The following MAN1B1 variants were observed in gnomAD, a reference collection of about 807,000 sequenced individuals.
MAN1B1 encodes endoplasmic reticulum mannosyl-oligosaccharide 1,2-alpha-mannosidase.
In MAN1B1, 66 loss-of-function variants were observed where a neutral mutation model predicts 75.5. The ratio of observed to expected loss-of-function variants is 0.87; its 90% CI spans 0.72 to 1.07. The LOEUF (loss-of-function observed/expected upper bound fraction) is 1.07, where lower values mean the gene tolerates loss of function less well. Ranked by LOEUF, MAN1B1 falls within the 50% of genes least tolerant of loss-of-function variation. MAN1B1 has a pLI of 0.00. For synonymous variants in MAN1B1, 453 were observed against 382.8 expected (o/e 1.18, Z -2.14); for missense variants, 973 against 912.5 (o/e 1.07, Z -0.85).
chr9:137,096,201 A>G (rs373227646), intron 3 of MAN1B1, 36 bp from the exon 4 acceptor site: 12 of 1,613,586 alleles, frequency 7.4e-6, no homozygotes, highest in Non-Finnish European at 1.0e-5. Context: ...GCTCGCAGAC[A>G]CCCCGTGATT....
chr9:137,105,917 G>C (rs1293727914), intron 8 of MAN1B1: 1 of 691,740 alleles, frequency 1.4e-6, no homozygotes, highest in African/African-American at 1.8e-5. Flanking sequence ...TGACATTCAG[G>C]TGCGTTGCAC....
At chr9:137,098,251 C>G (rs142253512) in intron 5 of MAN1B1, among the ~76,000 whole-genome samples, 31 of 152,366 alleles carry the variant, frequency 2.0e-4, no homozygotes, top group African/African-American at 6.7e-4. Context: ...CTGGCCAGTC[C>G]CAGGCAGCTC....
chr9:137,091,743 G>A (rs1830523495), intron 3 of MAN1B1, among the ~76,000 whole-genome samples: 1 of 151,506 alleles, frequency 6.6e-6, no homozygotes, highest in African/African-American at 2.4e-5. Context: ...AGCCAGGATG[G>A]TCTTGATCAC....
intron 4 of MAN1B1, among the ~76,000 whole-genome samples, chr9:137,096,644 G>A (rs1830660375): frequency 6.6e-6 from 1 of 152,204 alleles, no homozygotes; most frequent in South Asian, 2.1e-4. Context: ...CGTGTGAAGG[G>A]TGCACAGGTG....
In MAN1B1 at chr9:137,106,413, G is replaced by GC. The variant is rs1373050519; in HGVS notation, c.1445+104dup. The GC allele has an allele frequency of 6.8e-6, 8 of 1,176,192 alleles. No individual in the cohort carries two copies. In the East Asian group the frequency reaches 1.0e-4, roughly 15 times the overall value. The allele number at this position is 1,176,192 out of a possible 1,614,324, so 72.9% of individuals were successfully genotyped here. A position where few individuals can be genotyped will look rare whatever the true frequency, so the allele number is the denominator to read the frequency against. On this transcript the variant is annotated intron_variant, in intron 9 of 12. Coordinates refer to ENST00000371589, the MANE Select transcript of MAN1B1 (RefSeq NM_016219.5). The stretch of plus-strand genomic sequence containing the variant: ...AGCTCCCACGGCCCCCGCTCCTGCT[G>GC]CCCCCCGCCACACTGTGTGTCAGGA...
In MAN1B1 at chr9:137,108,302, C is replaced by T. The variant is rs4880090; in HGVS notation, c.1897-86C>T. The T allele has an allele frequency of 0.31, 371,731 of 1,200,678 alleles. 63,781 individuals are homozygous for T. The highest frequency in any genetic ancestry group is 0.36 in the Non-Finnish European group (289,858 of 810,366). 74.4% of individuals were successfully genotyped at this position (1,200,678 alleles called of 1,614,324 possible). A position where few individuals can be genotyped will look rare whatever the true frequency, so the allele number is the denominator to read the frequency against. On this transcript the variant is annotated intron_variant, in intron 12 of 12. Transcript: ENST00000371589. ...AGCTTGCGCTGGGGGCCACATTCAC[C>T]ATGGGGTGGAGAGCGCTTCGGTGAT...
At chr9:137,096,653 T>C (rs1349701875) in intron 4 of MAN1B1, among the ~76,000 whole-genome samples, 1 of 152,134 alleles carries the variant, frequency 6.6e-6, no homozygotes, top group Non-Finnish European at 1.5e-5. Flanking sequence ...GGTGCACAGG[T>C]GCGTGGGGAT....
intron 3 of MAN1B1, chr9:137,094,435 G>A (rs1232815174): frequency 2.0e-6 from 1 of 488,300 alleles, no homozygotes; most frequent in South Asian, 1.5e-5. Flanking sequence ...GCATGACCTG[G>A]TGGAGAAGAG....
rs1830396180 is a variant in MAN1B1, at chr9:137,087,206, C to T, written c.207C>T (p.Arg69=). 1 of 1,580,222 alleles carries T rather than the reference C, an allele frequency of 6.3e-7. No homozygotes were observed. Among genetic ancestry groups the T allele is most frequent in the Non-Finnish European group, 8.6e-7 (1 of 1,163,562 alleles). The change falls in exon 1 of 13, where the codon CGC becomes CGT. Residue 69 remains arginine, a synonymous_variant. Coordinates refer to ENST00000371589, the MANE Select transcript of MAN1B1 (RefSeq NM_016219.5). ...ACAACAGCAAGAGTTGGCGGCGGCG[C>T]TCGTGCTGGAGGGTGAGGGTCGCGC... ...NYDNSKSWRR[R]SCWRKWKQLS...
rs76984987 is a variant in MAN1B1, at chr9:137,099,236, G to A, written c.731-460G>A. ...GGCAGAAGGAGCGTGTTTGAGTCGA[G>A]GATGTTCATCGCGAGGTCTGCACCC... On this transcript the variant is annotated intron_variant, in intron 5 of 12. Coordinates refer to ENST00000371589, the MANE Select transcript of MAN1B1 (RefSeq NM_016219.5). Among the ~76,000 whole-genome samples, 199 of 152,392 alleles carry A rather than the reference G, an allele frequency of 1.3e-3. 4 individuals carry two copies. In the East Asian group the frequency reaches 0.022, roughly 17 times the overall value.
Position 137,109,050 on chromosome 9 carries a change from T to TA in MAN1B1, c.*460dup, listed in dbSNP as rs1209419824. On this transcript the variant is annotated 3_prime_UTR_variant, in exon 13 of 13. Transcript: ENST00000371589. ...AGGCTCCAGGGCTGGCTCTGGTGTT[T>TA]ACAAGCTGGACTCAGGGATCCTCCT... The TA allele has an allele frequency of 6.6e-5, 30 of 457,258 alleles. No individual in the cohort carries two copies. Among genetic ancestry groups the TA allele is most frequent in the South Asian group, 4.5e-4 (29 of 64,528 alleles). The allele number at this position is 457,258 out of a possible 1,614,324, so 28.3% of individuals were successfully genotyped here. A position where few individuals can be genotyped will look rare whatever the true frequency, so the allele number is the denominator to read the frequency against.
In MAN1B1 at chr9:137,108,861, C is replaced by G; in HGVS notation, c.*270C>G. Reference sequence around the variant, plus strand: ...GAATCATGACTCACGATTGCTGAAGCCTGAGCAGGTCTCTGTGGGCCGACC... The same window carrying G: ...GAATCATGACTCACGATTGCTGAAGGCTGAGCAGGTCTCTGTGGGCCGACC... On this transcript the variant is annotated 3_prime_UTR_variant, in exon 13 of 13. Transcript: ENST00000371589. The G allele has an allele frequency of 1.6e-6, 1 of 619,598 alleles. No individual in the cohort carries two copies. Among genetic ancestry groups the G allele is most frequent in the South Asian group, 1.5e-5 (1 of 66,050 alleles). The allele number at this position is 619,598 out of a possible 1,614,324, so 38.4% of individuals were successfully genotyped here. A position where few individuals can be genotyped will look rare whatever the true frequency, so the allele number is the denominator to read the frequency against.
intron 8 of MAN1B1, chr9:137,102,644 G>C (rs1830891241): frequency 1.1e-5 from 5 of 442,108 alleles, no homozygotes; most frequent in South Asian, 7.9e-5. Flanking sequence ...TCACGCTGTT[G>C]CTGGCGTGCA....
chr9:137,096,299 C>T lies in MAN1B1; in HGVS notation c.528C>T (p.Asp176=), dbSNP rs756080096. Residue 176 remains aspartate (D), a synonymous_variant, in exon 4 of 13, where the codon GAC becomes GAT. Transcript: ENST00000371589. ...TGCAGATTAGACCCCCAAGCCAAGA[C>T]CTGAAGGATGGGACCCAGGAGGAGG... ...PHLQIRPPSQ[D]LKDGTQEEAT... is the part of the protein sequence containing the mutation. 8 of 1,614,002 alleles carry T rather than the reference C, an allele frequency of 5.0e-6. No homozygotes were observed. The East Asian group carries it at 1.1e-4, about 22-fold the overall frequency.
intron 3 of MAN1B1, among the ~76,000 whole-genome samples, chr9:137,089,642 G>T (rs879754643): frequency 2.0e-5 from 3 of 152,204 alleles, no homozygotes; most frequent in African/African-American, 7.2e-5. Flanking sequence ...GAAGATTTTG[G>T]CGTGGACTGG....
intron 8 of MAN1B1, chr9:137,103,840 TAC>T (rs532496501): frequency 6.6e-6 from 3 of 454,564 alleles, no homozygotes; most frequent in East Asian, 7.0e-5. Flanking sequence ...TCGGTGGTGT[TAC>T]ACACATTCAC....
At chr9:137,095,075 C>G (rs928970660) in intron 3 of MAN1B1, among the ~76,000 whole-genome samples, 10 of 151,930 alleles carry the variant, frequency 6.6e-5, no homozygotes, top group Admixed American at 1.3e-4. Flanking sequence ...GTAATCCCAG[C>G]TACTTGGGAG....
Position 137,108,849 on chromosome 9 carries a change from C to A in MAN1B1, c.*258C>A, listed in dbSNP as rs755189897. 13 of 640,652 alleles carry A rather than the reference C, an allele frequency of 2.0e-5. No individual in the cohort carries two copies. The highest frequency in any genetic ancestry group is 3.5e-5 in the Non-Finnish European group (12 of 345,606). 39.7% of individuals were successfully genotyped at this position (640,652 alleles called of 1,614,324 possible). A position where few individuals can be genotyped will look rare whatever the true frequency, so the allele number is the denominator to read the frequency against. On this transcript the variant is annotated 3_prime_UTR_variant, in exon 13 of 13. Transcript: ENST00000371589. ...TCCAGAAGACACGAATCATGACTCA[C>A]GATTGCTGAAGCCTGAGCAGGTCTC...
intron 9 of MAN1B1, 185 bp from the exon 10 acceptor site, chr9:137,106,504 G>A (rs1348236909): frequency 1.1e-5 from 11 of 1,016,828 alleles, no homozygotes; most frequent in South Asian, 1.5e-5. Flanking sequence ...ACCTCTCACC[G>A]TGGCCTCTGG....
Sources: allele counts gnomAD v4.1 joint callset (sites outside exome capture counted in the v4.1 genomes callset), GRCh38; gene constraint gnomAD v4.1.1; transcripts MANE v1.5; gene names NCBI Gene and HGNC (gene_info 2026-07-23, HGNC 2026-07-21).